The following CCDC141 variants were observed in gnomAD, a reference collection of about 807,000 sequenced individuals.
CCDC141 encodes the protein coiled-coil domain-containing protein 141.
Under a neutral mutation model 181.0 loss-of-function variants are expected in CCDC141, and 168 were observed. That is an observed-to-expected ratio of 0.93 (90% confidence interval 0.82 to 1.05). CCDC141 has a LOEUF of 1.05. Ranked by LOEUF, CCDC141 falls within the 50% of genes least tolerant of loss-of-function variation. The pLI is 0.00. For missense variants in CCDC141, 1,902 were observed against 1,788.5 expected (o/e 1.06, Z -1.14); for synonymous variants, 666 against 642.3 (o/e 1.04, Z -0.56).
At chr2:178,979,137 T>C (rs993746018) in intron 2 of CCDC141, among the ~76,000 whole-genome samples, 1 of 152,178 alleles carries the variant, frequency 6.6e-6, no homozygotes, top group Non-Finnish European at 1.5e-5. Context: ...TAAGAGTAGA[T>C]TTTTAAACCA....
chr2:179,021,615 C>T (rs1289858739), intron 2 of CCDC141, among the ~76,000 whole-genome samples: 2 of 152,076 alleles, frequency 1.3e-5, no homozygotes, highest in East Asian at 1.9e-4. Context: ...ATGGTTCTGC[C>T]GTCAGTAGGA....
At chr2:179,019,459 A>T (rs564468188) in intron 2 of CCDC141, among the ~76,000 whole-genome samples, 3 of 152,290 alleles carry the variant, frequency 2.0e-5, no homozygotes, top group East Asian at 3.9e-4. Flanking sequence ...CTTACTGCAC[A>T]TCACTTCTTG....
At chr2:178,827,916 T>A (rs1181375296), downstream of CCDC141, among the ~76,000 whole-genome samples, 3 of 152,216 alleles carry the variant, frequency 2.0e-5, no homozygotes, top group African/African-American at 7.2e-5. Flanking sequence ...GTCCAAGGGC[T>A]TTAGGGAAAT....
In CCDC141 at chr2:178,836,901, G is replaced by A; in HGVS notation, c.4318C>T (p.Leu1440=). 6.2e-7 allele frequency: 1 copy of A among 1,610,596 alleles called. No individual in the cohort carries two copies. Among genetic ancestry groups the A allele is most frequent in the Non-Finnish European group, 8.5e-7 (1 of 1,179,022 alleles). Residue 1440 remains leucine (L), a synonymous_variant, in exon 23 of 24, where the codon CTG becomes TTG. Transcript: ENST00000443758. ...TCATTATAGGCTACCCACCATGTCA[G>A]TGTAGGCTCTGGAAATCCTGTTACT... ...VEVTGFPEPT[L]TWYKKGQKLS...
At chr2:179,015,338 T>TATATGTATCATACATATCC (rs2042449079) in intron 2 of CCDC141, among the ~76,000 whole-genome samples, 2 of 117,844 alleles carry the variant, frequency 1.7e-5, no homozygotes, top group African/African-American at 6.2e-5. Flanking sequence ...CATACATATC[T>TATATGTATCATACATATCC]CATATATGTA....
At chr2:178,931,992 C>A (rs1451500077) in intron 6 of CCDC141, among the ~76,000 whole-genome samples, 1 of 151,858 alleles carries the variant, frequency 6.6e-6, no homozygotes, top group Non-Finnish European at 1.5e-5. Context: ...ATGATGAAAC[C>A]CCGTCTCTAC....
chr2:178,892,151 G>T (rs957557266), intron 8 of CCDC141, among the ~76,000 whole-genome samples: 11 of 152,144 alleles, frequency 7.2e-5, no homozygotes, highest in African/African-American at 2.7e-4. Context: ...TCCAAAGACT[G>T]CCCAATTTCT....
At chr2:178,962,300 T>C (rs1482848718) in intron 4 of CCDC141, among the ~76,000 whole-genome samples, 1 of 152,160 alleles carries the variant, frequency 6.6e-6, no homozygotes, top group Non-Finnish European at 1.5e-5. Flanking sequence ...GCATCTACAC[T>C]TGGGGATCAA....
intron 6 of CCDC141, among the ~76,000 whole-genome samples, chr2:178,926,861 CAT>C (rs1477226384): frequency 6.6e-6 from 1 of 152,150 alleles, no homozygotes; most frequent in Non-Finnish European, 1.5e-5. Flanking sequence ...GATATACATA[CAT>C]ATGTTATATG....
chr2:179,027,723 G>A (rs1042069665), intron 2 of CCDC141, among the ~76,000 whole-genome samples: 4 of 140,924 alleles, frequency 2.8e-5, no homozygotes, highest in Non-Finnish European at 6.1e-5. Context: ...TGCCATCCAT[G>A]TAAGATGTGA....
intron 7 of CCDC141, among the ~76,000 whole-genome samples, chr2:178,908,074 T>C (rs1688056671): frequency 6.6e-6 from 1 of 152,194 alleles, no homozygotes; most frequent in East Asian, 1.9e-4. Flanking sequence ...TATCCTTCCA[T>C]AACCCATCGA....
Position 178,837,073 on chromosome 2 carries a change from A to T in CCDC141, c.4146T>A (p.Tyr1382Ter). 6.2e-7 allele frequency: 1 copy of T among 1,613,880 alleles called. No individual in the cohort carries two copies. The highest frequency in any genetic ancestry group is 1.7e-5 in the Admixed American group (1 of 59,986). ...LRFQSGTSRG[Y>*]QRQMVPREEI... is the part of the protein sequence containing the mutation. Reference sequence around the variant, plus strand: ...CTTCTCGAGGAACCATTTGCCTCTGATAGCCCCTGCTGGTGCCTGATTGAA... The same window carrying T: ...CTTCTCGAGGAACCATTTGCCTCTGTTAGCCCCTGCTGGTGCCTGATTGAA... Residue 1382 changes from tyrosine (Y) to a stop codon, truncating the protein, a stop_gained, in exon 23 of 24, where the codon TAT (tyrosine) becomes TAA (stop). Transcript: ENST00000443758. LOFTEE classifies it high-confidence loss of function.
Position 178,905,393 on chromosome 2 carries a change from T to C in CCDC141, c.1201A>G (p.Lys401Glu), listed in dbSNP as rs1194444712. Residue 401 changes from lysine to glutamate, a missense_variant, in exon 8 of 24, where the codon AAA becomes GAA. Physicochemically the swap from Lys to Glu is moderately conservative, Grantham distance 56. Transcript: ENST00000443758. ...VRHEELHRKI[K>E]DCTTDALQKG... Reference sequence around the variant, plus strand: ...TGCAAAGCATCAGTTGTGCAGTCTTTAATTTTTCTGTGTAATTCCTCATGC... The same window carrying C: ...TGCAAAGCATCAGTTGTGCAGTCTTCAATTTTTCTGTGTAATTCCTCATGC... 1 of 1,550,666 alleles carries C rather than the reference T, an allele frequency of 6.4e-7. No homozygotes were observed. The highest frequency in any genetic ancestry group is 8.7e-7 in the Non-Finnish European group (1 of 1,146,992).
intron 2 of CCDC141, among the ~76,000 whole-genome samples, chr2:179,042,823 A>G (rs993672582): frequency 1.3e-5 from 2 of 152,208 alleles, no homozygotes; most frequent in Non-Finnish European, 1.5e-5. Flanking sequence ...TCAAGAGCAA[A>G]CAACCCACTT....
intron 8 of CCDC141, among the ~76,000 whole-genome samples, chr2:178,889,738 C>T (rs1377114674): frequency 1.3e-5 from 2 of 152,122 alleles, no homozygotes; most frequent in Non-Finnish European, 2.9e-5. Flanking sequence ...ACAGAAGTCC[C>T]AGGTAAGTTT....
At chr2:178,843,108 G>C (rs921390487) in intron 22 of CCDC141, among the ~76,000 whole-genome samples, 2 of 152,206 alleles carry the variant, frequency 1.3e-5, no homozygotes, top group Non-Finnish European at 2.9e-5. Context: ...GAGGGGAAAA[G>C]TTTGTCATGG....
intron 21 of CCDC141, among the ~76,000 whole-genome samples, chr2:178,846,964 A>G (rs533605994): frequency 1.4e-3 from 217 of 152,310 alleles, no homozygotes; most frequent in African/African-American, 5.1e-3. Flanking sequence ...CATAGCATCA[A>G]CCTTTATATT....
At position 178,985,063 on chromosome 2, in the gene CCDC141, G is replaced by A. The variant is rs1238807836; in HGVS notation, c.226-6388C>T. Among the ~76,000 whole-genome samples the A allele has an allele frequency of 3.3e-5, 5 of 151,242 alleles. No individual in the cohort carries two copies. In the East Asian group the frequency reaches 9.7e-4, roughly 29 times the overall value. ...TATTCCAAAATTGACCACATACTTG[G>A]AAGTAAAGCTCTCCTCGGCAAATGT... is the stretch of plus-strand genomic sequence containing the variant. On this transcript the variant is annotated intron_variant, in intron 2 of 23. Coordinates refer to ENST00000443758, the MANE Select transcript of CCDC141 (RefSeq NM_173648.4).
intron 2 of CCDC141, among the ~76,000 whole-genome samples, chr2:178,988,083 T>C (rs1691842737): frequency 6.6e-6 from 1 of 152,014 alleles, no homozygotes; most frequent in Admixed American, 6.6e-5. Flanking sequence ...TGTCCAACAA[T>C]GATAGACTGG....
Sources: allele counts gnomAD v4.1 joint callset (sites outside exome capture counted in the v4.1 genomes callset), GRCh38; gene constraint gnomAD v4.1.1; transcripts MANE v1.5; gene names NCBI Gene and HGNC (gene_info 2026-07-23, HGNC 2026-07-21).